Variants in BRDT observed in about 807,000 individuals in gnomAD.
The protein encoded by BRDT is bromodomain testis associated.
BRDT carries 77 observed loss-of-function variants against 113.9 expected under a neutral mutation model. The observed-to-expected ratio is 0.68, with a 90% CI of 0.56 to 0.82. The LOEUF (loss-of-function observed/expected upper bound fraction) is 0.82, where lower values mean the gene tolerates loss of function less well. Among genes scored for constraint, BRDT ranks in the 40% least tolerant of loss-of-function variants. The pLI is 0.00. For synonymous variants in BRDT, 358 were observed against 366.5 expected, an observed-to-expected ratio of 0.98 and a Z score of 0.26; for missense variants, 1,027 against 1,105.4, an observed-to-expected ratio of 0.93 and a Z score of 1.01.
chr1:91,962,681 T>G, intron 1 of BRDT, 37 bp from the exon 2 acceptor site: 1 of 1,283,834 alleles, frequency 7.8e-7, no homozygotes. Flanking sequence ...AAACCATTCC[T>G]AAAGTGCTTC....
rs1023404249 is a variant in BRDT, at chr1:92,002,134, A to G, written c.2373A>G (p.Gln791=). ...CAACGATGTTAGAATCTGAATGTCA[A>G]GCTCCTGTACAGAAGGTAAAAGTAA... is the stretch of plus-strand genomic sequence containing the variant. ...SDTTMLESEC[Q]APVQKDIKIK... is the part of the protein sequence containing the mutation. The change falls in exon 16 of 19, where the codon CAA becomes CAG. Residue 791 remains glutamine, a synonymous_variant. Transcript: ENST00000399546. The G allele has an allele frequency of 6.2e-7, 1 of 1,612,720 alleles. No individual in the cohort carries two copies. Among genetic ancestry groups the G allele is most frequent in the East Asian group, 2.2e-5 (1 of 44,868 alleles).
At chr1:91,965,489 C>A (rs1047330108) in intron 3 of BRDT, among the ~76,000 whole-genome samples, 15 of 152,012 alleles carry the variant, frequency 9.9e-5, no homozygotes, top group African/African-American at 3.6e-4. Flanking sequence ...CAGTATGGAC[C>A]CCTGGCCATA....
Position 91,985,760 on chromosome 1 carries a change from T to G in BRDT, c.2002+4005T>G, listed in dbSNP as rs1205356870. Among the ~76,000 whole-genome samples the G allele has an allele frequency of 6.1e-5, 9 of 148,196 alleles. No individual in the cohort carries two copies. The Admixed American group carries it at 6.1e-4, about 10-fold the overall frequency. On this transcript the variant is annotated intron_variant, in intron 12 of 18. Transcript: ENST00000399546. Reference sequence around the variant, plus strand: ...TTCACGTTATTCTCCTGCCTCAGCCTGCCGAGCAGCTGGGACTACAGGCGC... The same window carrying G: ...TTCACGTTATTCTCCTGCCTCAGCCGGCCGAGCAGCTGGGACTACAGGCGC...
In BRDT at chr1:92,005,255, G is replaced by A; in HGVS notation, c.2731G>A (p.Asp911Asn). The part of the protein sequence containing the change: ...KSKLWLLKDR[D>N]LARQKEQERR... ...CAAACTCTGGCTTCTCAAAGACCGT[G>A]ATTTAGCAAGGCAGAAAGAACAAGA... The change falls in exon 18 of 19, where the codon GAT becomes AAT. Residue 911 changes from aspartate (D) to asparagine (N), a missense_variant. Coordinates refer to ENST00000399546, the MANE Select transcript of BRDT (RefSeq NM_207189.4). The A allele has an allele frequency of 6.3e-7, 1 of 1,583,406 alleles. No homozygotes were observed. The highest frequency in any genetic ancestry group is 8.6e-7 in the Non-Finnish European group (1 of 1,168,744).
At chr1:92,011,061 C>A (rs989189679) in intron 18 of BRDT, among the ~76,000 whole-genome samples, 1 of 151,070 alleles carries the variant, frequency 6.6e-6, no homozygotes, top group Non-Finnish European at 1.5e-5. Flanking sequence ...CATATAAGAA[C>A]ATTAGTTTGA....
intron 12 of BRDT, among the ~76,000 whole-genome samples, chr1:91,987,985 G>A (rs1203643058): frequency 3.9e-5 from 6 of 152,188 alleles, no homozygotes; most frequent in African/African-American, 1.4e-4. Context: ...AAGTAGCTGG[G>A]ATTACGGGCA....
At chr1:91,963,105 C>T (rs577095462) in intron 2 of BRDT, among the ~76,000 whole-genome samples, 159 bp downstream of exon 2, 256 of 152,272 alleles carry the variant, frequency 1.7e-3, no homozygotes, top group Non-Finnish European at 2.8e-3. Flanking sequence ...GGGGAGATCA[C>T]CTGAGGTCGG....
At chr1:91,992,223 G>C (rs1474704168) in intron 13 of BRDT, 41 bp from the exon 14 acceptor site, 1 of 1,072,006 alleles carries the variant, frequency 9.3e-7, no homozygotes, top group East Asian at 2.9e-5. Context: ...ATGGTTAAGA[G>C]ATAATATGAT....
intron 3 of BRDT, among the ~76,000 whole-genome samples, chr1:91,965,206 G>T (rs12736045): frequency 0.7 from 106,977 of 151,930 alleles, 38,883 homozygotes; most frequent in Middle Eastern, 0.81. Flanking sequence ...GAGCCACTGT[G>T]CCCGGCCAAG....
intron 3 of BRDT, among the ~76,000 whole-genome samples, chr1:91,965,971 G>A (rs1683028087): frequency 6.6e-6 from 1 of 152,128 alleles, no homozygotes; most frequent in South Asian, 2.1e-4. Context: ...CCCAGTAGTA[G>A]TACTTGGATT....
chr1:92,000,307 A>C (rs773870858), intron 15 of BRDT, among the ~76,000 whole-genome samples: 6 of 152,176 alleles, frequency 3.9e-5, no homozygotes, highest in Admixed American at 2.6e-4. Context: ...TCTCCTTCCT[A>C]AATAATCACT....
At chr1:92,007,439 T>C (rs1023471869) in intron 18 of BRDT, among the ~76,000 whole-genome samples, 5 of 152,146 alleles carry the variant, frequency 3.3e-5, no homozygotes, top group African/African-American at 9.7e-5. Flanking sequence ...TTCTTTGTGT[T>C]CCTAAGTTCA....
intron 7 of BRDT, among the ~76,000 whole-genome samples, chr1:91,978,953 G>A (rs1189528541): frequency 1.5e-5 from 2 of 136,474 alleles, no homozygotes; most frequent in Non-Finnish European, 3.1e-5. Flanking sequence ...AGCCGAAATT[G>A]CGCCACTGCA....
At chr1:91,961,289 C>G (rs955723162) in intron 1 of BRDT, among the ~76,000 whole-genome samples, 1 of 151,914 alleles carries the variant, frequency 6.6e-6, no homozygotes, top group African/African-American at 2.4e-5. Context: ...CCAGTCTGGG[C>G]GGTAGAGTGA....
At chr1:92,014,008 TAAC>T (rs948806030) in intron 18 of BRDT, among the ~76,000 whole-genome samples, 195 bp from the exon 19 acceptor site, 16 of 152,194 alleles carry the variant, frequency 1.1e-4, no homozygotes, top group African/African-American at 3.4e-4. Flanking sequence ...AACAATATAT[TAAC>T]AAATCAGGTA....
intron 18 of BRDT, among the ~76,000 whole-genome samples, chr1:92,008,179 A>G (rs1461587702): frequency 6.6e-6 from 1 of 152,106 alleles, no homozygotes; most frequent in Non-Finnish European, 1.5e-5. Context: ...CGGCCTCCCA[A>G]AGTGCTGGGA....
In BRDT at chr1:91,977,633, G is replaced by T. The variant is rs111351240; in HGVS notation, c.969+240G>T. On this transcript the variant is annotated intron_variant, in intron 6 of 18. Transcript: ENST00000399546. The stretch of plus-strand genomic sequence containing the variant: ...TGCCTGTAATCTTAGCACTTTGGGA[G>T]GCCAAGGCGGGCGGATCACTTGAGG... The T allele has an allele frequency of 6.0e-3, 1,544 of 258,004 alleles. 28 individuals are homozygous for T. The highest frequency in any genetic ancestry group is 0.033 in the African/African-American group (1,460 of 44,392). The allele number at this position is 258,004 out of a possible 1,614,324, so 16.0% of individuals were successfully genotyped here.
chr1:91,967,032 G>A (rs1683132633), intron 3 of BRDT, among the ~76,000 whole-genome samples: 1 of 152,128 alleles, frequency 6.6e-6, no homozygotes, highest in South Asian at 2.1e-4. Context: ...TTGCGCCACT[G>A]TACTCCAGCC....
chr1:91,990,809 T>C (rs1187590966), intron 12 of BRDT, among the ~76,000 whole-genome samples: 1 of 152,190 alleles, frequency 6.6e-6, no homozygotes, highest in East Asian at 1.9e-4. Context: ...TATTTCTTTC[T>C]TTTTTTGAGA....
Sources: allele counts gnomAD v4.1 joint callset (sites outside exome capture counted in the v4.1 genomes callset), GRCh38; gene constraint gnomAD v4.1.1; transcripts MANE v1.5; gene names NCBI Gene and HGNC (gene_info 2026-07-23, HGNC 2026-07-21).